Variants in SNX7 observed in about 807,000 individuals in gnomAD.
SNX7 encodes the protein sorting nexin-7.
In SNX7, 35 loss-of-function variants were observed where a neutral mutation model predicts 48.4. The ratio of observed to expected loss-of-function variants is 0.72; its 90% confidence interval spans 0.55 to 0.96. The LOEUF is 0.96. Ranked by LOEUF, SNX7 falls within the 40% of genes least tolerant of loss-of-function variation. The pLI is 0.00. For missense variants in SNX7, 553 were observed against 548.9 expected, an observed-to-expected ratio of 1.01 and a Z score of -0.07; for synonymous variants, 190 against 190.2, an observed-to-expected ratio of 1.00 and a Z score of 0.01.
intron 7 of SNX7, among the ~76,000 whole-genome samples, chr1:98,725,399 C>A (rs1255178045): frequency 6.6e-6 from 1 of 152,042 alleles, no homozygotes; most frequent in East Asian, 1.9e-4. Flanking sequence ...CAAATATTTG[C>A]CTCTATGAAA....
At position 98,663,252 on chromosome 1, in the gene SNX7, G is replaced by GTTTTTTTTT. The variant is rs1491348958; in HGVS notation, c.180+1341_180+1342insTTTTTTTTT. 3.4e-4 allele frequency among the ~76,000 whole-genome samples: 28 copies of GTTTTTTTTT among 83,158 alleles called. 10 individuals are homozygous for GTTTTTTTTT. Among genetic ancestry groups the GTTTTTTTTT allele is most frequent in the African/African-American group, 1.3e-3 (23 of 18,292 alleles). 54.6% of individuals were successfully genotyped at this position (83,158 alleles called of 152,430 possible). On this transcript the variant is annotated intron_variant, in intron 1 of 8. Coordinates refer to ENST00000306121, the MANE Select transcript of SNX7 (RefSeq NM_015976.5). ...ATCAGAATCATCAGGGTTTCTTTCT[G>GTTTTTTTTT]GTTTTTTTTTTTTTTTTTTTTTTTT...
chr1:98,666,129 A>C (rs577964542), intron 1 of SNX7, among the ~76,000 whole-genome samples: 1 of 152,192 alleles, frequency 6.6e-6, no homozygotes, highest in Non-Finnish European at 1.5e-5. Flanking sequence ...TTGTGTGCCT[A>C]TATCAGTCAT....
chr1:98,715,216 G>T (rs116427176), intron 7 of SNX7, among the ~76,000 whole-genome samples: 1,943 of 152,058 alleles, frequency 0.013, 55 homozygotes, highest in African/African-American at 0.045. Context: ...TAACTTTCAT[G>T]GCCATTCTAC....
intron 7 of SNX7, among the ~76,000 whole-genome samples, chr1:98,735,065 G>A (rs1467248817): frequency 6.6e-6 from 1 of 152,102 alleles, no homozygotes; most frequent in African/African-American, 2.4e-5. Context: ...AATACCAGAA[G>A]GACTTTAGCC....
At chr1:98,714,256 A>G (rs1457395214) in intron 7 of SNX7, among the ~76,000 whole-genome samples, 1 of 152,198 alleles carries the variant, frequency 6.6e-6, no homozygotes, top group African/African-American at 2.4e-5. Context: ...ACATCTATTT[A>G]GTACATGTTG....
chr1:98,732,741 T>A (rs1311379265), intron 7 of SNX7, among the ~76,000 whole-genome samples: 4 of 152,072 alleles, frequency 2.6e-5, no homozygotes, highest in Admixed American at 6.6e-5. Context: ...AACAGATTTA[T>A]ATATTTACGT....
At chr1:98,759,245 C>A (rs1488316990) in intron 8 of SNX7, among the ~76,000 whole-genome samples, 1 of 151,832 alleles carries the variant, frequency 6.6e-6, no homozygotes, top group South Asian at 2.1e-4. Flanking sequence ...TTTCCAAATT[C>A]ATTATAGCTC....
At chr1:98,690,247 G>A (rs899400886) in intron 2 of SNX7, among the ~76,000 whole-genome samples, 5 of 151,948 alleles carry the variant, frequency 3.3e-5, no homozygotes, top group African/African-American at 7.2e-5. Flanking sequence ...GTTAAATAAG[G>A]TATTGGTGTG....
chr1:98,697,443 G>T (rs927686500), intron 5 of SNX7, among the ~76,000 whole-genome samples: 3 of 151,722 alleles, frequency 2.0e-5, no homozygotes, highest in Non-Finnish European at 2.9e-5. Context: ...AACAAAAAAC[G>T]GTCACTGCTT....
At position 98,661,910 on chromosome 1, in the gene SNX7, A is replaced by G. The variant is rs1006237094; in HGVS notation, c.179A>G (p.Lys60Arg). 93 of 1,246,606 alleles carry G rather than the reference A, an allele frequency of 7.5e-5. No individual in the cohort carries two copies. The highest frequency in any genetic ancestry group is 9.1e-5 in the Non-Finnish European group (90 of 987,186). 77.2% of individuals were successfully genotyped at this position (1,246,606 alleles called of 1,614,324 possible). Residue 60 changes from lysine (K) to arginine (R), a missense_variant and splice_region_variant, in exon 1 of 9, where the codon AAG (lysine) becomes AGG (arginine). Transcript: ENST00000306121. ...EDEDDLEVFSKDASLMDMNSF... is the reference protein window; with the variant it reads ...EDEDDLEVFSRDASLMDMNSF... Reference sequence around the variant, plus strand: ...GAGGACGACCTGGAGGTGTTCAGCAAGGTGAGGGCGGCGGCGGCGAGTCCC... The same window carrying G: ...GAGGACGACCTGGAGGTGTTCAGCAGGGTGAGGGCGGCGGCGGCGAGTCCC...
intron 7 of SNX7, among the ~76,000 whole-genome samples, chr1:98,709,918 C>T (rs74755619): frequency 2.6e-5 from 4 of 152,018 alleles, no homozygotes; most frequent in Admixed American, 2.0e-4. Context: ...TGTGGAAGCT[C>T]TCTTATATGG....
intron 7 of SNX7, among the ~76,000 whole-genome samples, chr1:98,732,218 C>G (rs543433800): frequency 7.9e-5 from 12 of 152,208 alleles, no homozygotes; most frequent in Admixed American, 7.9e-4. Context: ...CAAAAAGTAT[C>G]TGAGATGTGT....
At chr1:98,729,895 C>G (rs1653409321) in intron 7 of SNX7, among the ~76,000 whole-genome samples, 1 of 152,116 alleles carries the variant, frequency 6.6e-6, no homozygotes, top group African/African-American at 2.4e-5. Flanking sequence ...GGGACTCCCC[C>G]CTAACTCATT....
intron 5 of SNX7, among the ~76,000 whole-genome samples, chr1:98,697,122 T>C (rs1651499395): frequency 6.6e-6 from 1 of 152,002 alleles, no homozygotes; most frequent in African/African-American, 2.4e-5. Context: ...GATTTCTCAA[T>C]TGACTCAATT....
rs1258620931 is a variant in SNX7 at position 98,760,246 on chromosome 1, G to A, written c.*115G>A. The A allele has an allele frequency of 1.3e-6, 1 of 759,906 alleles. No individual in the cohort carries two copies. Among genetic ancestry groups the A allele is most frequent in the East Asian group, 2.7e-5 (1 of 37,430 alleles). 47.1% of individuals were successfully genotyped at this position (759,906 alleles called of 1,614,324 possible). A position where few individuals can be genotyped will look rare whatever the true frequency, so the allele number is the denominator to read the frequency against. On this transcript the variant is annotated 3_prime_UTR_variant, in exon 9 of 9. Transcript: ENST00000306121. Reference sequence around the variant, plus strand: ...GATGAAAAATGTTTTGTACCCATCTGGAAAACCAACAACTTGAAATCTCAG... The same window carrying A: ...GATGAAAAATGTTTTGTACCCATCTAGAAAACCAACAACTTGAAATCTCAG...
intron 1 of SNX7, among the ~76,000 whole-genome samples, chr1:98,671,575 T>TAAAC (rs1649864821): frequency 6.6e-6 from 1 of 152,036 alleles, no homozygotes; most frequent in Admixed American, 6.5e-5. Flanking sequence ...ATTCACCCAT[T>TAAAC]TTGGGTGAAT....
chr1:98,702,980 C>G (rs995796835), intron 7 of SNX7, among the ~76,000 whole-genome samples: 2 of 152,048 alleles, frequency 1.3e-5, no homozygotes, highest in African/African-American at 4.8e-5. Context: ...TCTGCATCCC[C>G]CCTCCCTGCT....
Position 98,710,025 on chromosome 1 carries a change from C to G in SNX7, c.1125+8122C>G, listed in dbSNP as rs567376914. On this transcript the variant is annotated intron_variant, in intron 7 of 8. Coordinates refer to ENST00000306121, the MANE Select transcript of SNX7 (RefSeq NM_015976.5). ...TTTAAAGACCACACATTTCTTACAA[C>G]ATACTGTGACCCACCCTGCCCAAGT... is the stretch of plus-strand genomic sequence containing the variant. Among the ~76,000 whole-genome samples the G allele has an allele frequency of 5.3e-5, 8 of 152,246 alleles. No individual in the cohort carries two copies. The South Asian group carries it at 1.7e-3, about 32-fold the overall frequency.
At position 98,670,861 on chromosome 1, in the gene SNX7, G is replaced by A. The variant is rs577754525; in HGVS notation, c.180+8950G>A. On this transcript the variant is annotated intron_variant, in intron 1 of 8. Transcript: ENST00000306121. ...GAGAGCTACAGCTCTTTTATGTAGA[G>A]ACAGTGAGTTTTATTTATTTATTTA... 2.6e-5 allele frequency among the ~76,000 whole-genome samples: 3 copies of A among 117,188 alleles called. No homozygotes were observed. The South Asian group carries it at 1.0e-3, about 39-fold the overall frequency. The allele number at this position is 117,188 out of a possible 152,430, so 76.9% of individuals were successfully genotyped here.
Sources: gnomAD v4.1 joint callset for allele counts (sites outside exome capture counted in the v4.1 genomes callset) on GRCh38, gnomAD v4.1.1 for gene constraint, MANE v1.5 for transcripts, NCBI Gene and HGNC (gene_info 2026-07-23, HGNC 2026-07-21) for gene names.